Variants in ESRRG observed in about 807,000 individuals in gnomAD.
ESRRG encodes estrogen related receptor gamma, also known as estrogen-related receptor gamma.
ESRRG carries 13 observed loss-of-function variants against 44.0 expected under a neutral mutation model. The observed-to-expected ratio is 0.30, with a 90% CI of 0.19 to 0.47. The LOEUF (loss-of-function observed/expected upper bound fraction) is 0.47, where lower values mean the gene tolerates loss of function less well. Among genes scored for constraint, ESRRG ranks in the 20% least tolerant of loss-of-function variants. The pLI is 1.00. For missense variants in ESRRG, 395 were observed against 580.6 expected (o/e 0.68, Z 3.29); for synonymous variants, 215 against 214.6 (o/e 1.00, Z -0.02).
chr1:217,092,392 C>T (rs2092362623), upstream of ESRRG, among the ~76,000 whole-genome samples: 1 of 152,192 alleles, frequency 6.6e-6, no homozygotes, highest in African/African-American at 2.4e-5. Context: ...AATTAAACCT[C>T]CTCAACAATA....
chr1:216,896,247 A>G (rs1437307189), intron 2 of ESRRG, among the ~76,000 whole-genome samples: 1 of 152,212 alleles, frequency 6.6e-6, no homozygotes. Context: ...ACATCTTCTG[A>G]TACTTGGCCT....
intron 2 of ESRRG, among the ~76,000 whole-genome samples, chr1:216,653,254 C>T (rs2069475278): frequency 1.3e-5 from 2 of 152,208 alleles, no homozygotes; most frequent in East Asian, 3.9e-4. Context: ...TGAGCTCACA[C>T]CTGGACTATG....
chr1:216,845,353 T>C (rs1347730422), intron 2 of ESRRG, among the ~76,000 whole-genome samples: 2 of 152,114 alleles, frequency 1.3e-5, no homozygotes, highest in South Asian at 2.1e-4. Flanking sequence ...AATAGGGTTA[T>C]AGATGACACA....
At chr1:216,697,475 C>T (rs1023042915) in intron 1 of ESRRG, among the ~76,000 whole-genome samples, 13 of 152,168 alleles carry the variant, frequency 8.5e-5, no homozygotes, top group African/African-American at 2.9e-4. Context: ...CAAATGATTT[C>T]CTTAATTCTC....
chr1:216,998,506 T>C (rs759996511), intron 1 of ESRRG, among the ~76,000 whole-genome samples: 3 of 152,250 alleles, frequency 2.0e-5, no homozygotes, highest in Non-Finnish European at 4.4e-5. Flanking sequence ...ATATTTTATC[T>C]AGACATTACT....
At chr1:216,572,147 TA>T (rs1165371326) in intron 3 of ESRRG, among the ~76,000 whole-genome samples, 3 of 152,184 alleles carry the variant, frequency 2.0e-5, no homozygotes, top group Non-Finnish European at 4.4e-5. Context: ...TTATTATTGG[TA>T]TTATTTGGTT....
intron 2 of ESRRG, among the ~76,000 whole-genome samples, chr1:216,793,674 A>C (rs2094391326): frequency 6.6e-6 from 1 of 152,206 alleles, no homozygotes; most frequent in Non-Finnish European, 1.5e-5. Flanking sequence ...ATAAGATTAT[A>C]GATATTTGTT....
At chr1:216,536,880 A>G (rs761716719) in intron 5 of ESRRG, among the ~76,000 whole-genome samples, 13 of 151,994 alleles carry the variant, frequency 8.6e-5, no homozygotes, top group Admixed American at 3.3e-4. Flanking sequence ...GTGGTATAAT[A>G]CTGCAATAGA....
At chr1:216,814,783 T>C (rs189912980) in intron 2 of ESRRG, among the ~76,000 whole-genome samples, 1 of 152,198 alleles carries the variant, frequency 6.6e-6, no homozygotes, top group African/African-American at 2.4e-5. Flanking sequence ...TTCAGAAACA[T>C]ACTAGACTCC....
intron 6 of ESRRG, among the ~76,000 whole-genome samples, chr1:216,514,299 T>C (rs777599616): frequency 1.3e-5 from 2 of 152,048 alleles, no homozygotes; most frequent in Admixed American, 1.3e-4. Flanking sequence ...TAAAAACCAA[T>C]GAAAAGTAAA....
chr1:216,979,834 C>T (rs2150374931), intron 1 of ESRRG, among the ~76,000 whole-genome samples: 1 of 152,092 alleles, frequency 6.6e-6, no homozygotes, highest in East Asian at 1.9e-4. Flanking sequence ...AGACAGCTTG[C>T]CCATTTCAAA....
At chr1:216,901,032 C>A (rs186102101) in intron 2 of ESRRG, among the ~76,000 whole-genome samples, 29 of 152,282 alleles carry the variant, frequency 1.9e-4, no homozygotes, top group African/African-American at 3.6e-4. Context: ...AGAAGCAATC[C>A]CAGATTCATT....
At chr1:216,578,646 C>G (rs975851484) in intron 3 of ESRRG, among the ~76,000 whole-genome samples, 1 of 152,136 alleles carries the variant, frequency 6.6e-6, no homozygotes, top group Non-Finnish European at 1.5e-5. Context: ...TCAACCAACT[C>G]TATATACCAT....
intron 2 of ESRRG, among the ~76,000 whole-genome samples, chr1:216,801,768 C>T (rs1403552239): frequency 6.6e-6 from 1 of 152,066 alleles, no homozygotes; most frequent in Non-Finnish European, 1.5e-5. Flanking sequence ...AGGTCCTTTA[C>T]CCATTCTTTT....
At chr1:217,133,631 T>TTCTTTCTTTCTTTCTCTCTCTCTCTC (rs1491192210) in intron 1 of ESRRG, among the ~76,000 whole-genome samples, 1 of 58,450 alleles carries the variant, frequency 1.7e-5, no homozygotes, top group African/African-American at 4.9e-5. Flanking sequence ...CTTTCTTTCT[T>TTCTTTCTTTCTTTCTCTCTCTCTCTC]TCTCTCTCTC....
intron 1 of ESRRG, among the ~76,000 whole-genome samples, chr1:216,679,174 G>C (rs925001453): frequency 1.2e-4 from 19 of 152,210 alleles, no homozygotes; most frequent in Non-Finnish European, 2.8e-4. Flanking sequence ...CCACCCACTT[G>C]TGTTGTCCTT....
At chr1:216,510,289 C>T (rs532563414) in intron 6 of ESRRG, among the ~76,000 whole-genome samples, 133 of 152,290 alleles carry the variant, frequency 8.7e-4, no homozygotes, top group Non-Finnish European at 1.5e-3. Flanking sequence ...CAAGCAAATA[C>T]TATTCTAAAA....
At chr1:216,538,578 A>G (rs1344507030) in intron 5 of ESRRG, among the ~76,000 whole-genome samples, 1 of 152,094 alleles carries the variant, frequency 6.6e-6, no homozygotes, top group African/African-American at 2.4e-5. Flanking sequence ...ACGCAGGATA[A>G]GCCTGAGAAG....
chr1:216,754,039 G>C (rs1202562630), intron 2 of ESRRG, among the ~76,000 whole-genome samples: 2 of 151,944 alleles, frequency 1.3e-5, no homozygotes, highest in Non-Finnish European at 2.9e-5. Flanking sequence ...CAGGCCTTTT[G>C]TCAGAAACCA....
Sources: gnomAD v4.1 joint callset for allele counts (sites outside exome capture counted in the v4.1 genomes callset) on GRCh38, gnomAD v4.1.1 for gene constraint, MANE v1.5 for transcripts, NCBI Gene and HGNC (gene_info 2026-07-23, HGNC 2026-07-21) for gene names.